DOCK3: variants seen among roughly 807,000 people sequenced by gnomAD.
The protein encoded by DOCK3 is dedicator of cytokinesis 3.
In DOCK3, 60 loss-of-function variants were observed where a neutral mutation model predicts 265.6. That is an observed-to-expected ratio of 0.23 (90% CI 0.18 to 0.28). The LOEUF is 0.28. DOCK3 is among the 10% of genes least tolerant of loss of function. The probability of loss-of-function intolerance (pLI) is 1.00; values close to 1 mark genes in which losing one functional copy is unlikely to be tolerated. For synonymous variants in DOCK3, 881 were observed against 938.0 expected (o/e 0.94, Z 1.11); for missense variants, 1,981 against 2,594.3 (o/e 0.76, Z 5.14).
chr3:51,363,687 C>A (rs2110377973), intron 49 of DOCK3, among the ~76,000 whole-genome samples: 1 of 152,302 alleles, frequency 6.6e-6, no homozygotes, highest in African/African-American at 2.4e-5. Flanking sequence ...CACCCTGTGT[C>A]CAAGTGTTCT....
At chr3:50,978,475 A>T (rs1454960445) in intron 5 of DOCK3, among the ~76,000 whole-genome samples, 1 of 151,948 alleles carries the variant, frequency 6.6e-6, no homozygotes, top group African/African-American at 2.4e-5. Context: ...GGTGTCAGGG[A>T]CCCTCTTGAG....
At chr3:51,254,566 A>G (rs1465359943) in intron 22 of DOCK3, among the ~76,000 whole-genome samples, 1 of 152,212 alleles carries the variant, frequency 6.6e-6, no homozygotes. Flanking sequence ...TTGGGTGCAT[A>G]TATATTTAGG....
At chr3:51,377,568 G>T (rs1318326744) in intron 51 of DOCK3, among the ~76,000 whole-genome samples, 1 of 152,234 alleles carries the variant, frequency 6.6e-6, no homozygotes. Context: ...ACAGGATACA[G>T]TTGGGATCAC....
At chr3:50,768,180 C>G (rs2041029788) in intron 1 of DOCK3, among the ~76,000 whole-genome samples, 1 of 152,168 alleles carries the variant, frequency 6.6e-6, no homozygotes, top group South Asian at 2.1e-4. Context: ...GAGAGGGCAT[C>G]CCTGTCCTAT....
chr3:51,182,991 A>G (rs570639309), intron 12 of DOCK3, among the ~76,000 whole-genome samples: 1 of 152,334 alleles, frequency 6.6e-6, no homozygotes, highest in African/African-American at 2.4e-5. Context: ...TGGCTCACAG[A>G]CAAATGTATG....
chr3:51,201,466 A>C (rs1270991813), intron 12 of DOCK3, among the ~76,000 whole-genome samples: 3 of 152,222 alleles, frequency 2.0e-5, no homozygotes, highest in Admixed American at 6.5e-5. Flanking sequence ...CAACAAGAAG[A>C]GCTAACTATC....
chr3:50,679,719 A>G (rs1297094678), intron 1 of DOCK3, among the ~76,000 whole-genome samples: 1 of 152,238 alleles, frequency 6.6e-6, no homozygotes, highest in Non-Finnish European at 1.5e-5. Flanking sequence ...TTATTTATTC[A>G]GTGAGGGAAG....
chr3:50,832,523 G>A (rs116772900), intron 2 of DOCK3, among the ~76,000 whole-genome samples: 2,114 of 152,160 alleles, frequency 0.014, 22 homozygotes, highest in Non-Finnish European at 0.022. Context: ...GAAGAAAAGT[G>A]CAACCTGTTT....
At chr3:51,263,609 A>G (rs1343015435) in intron 23 of DOCK3, among the ~76,000 whole-genome samples, 2 of 152,258 alleles carry the variant, frequency 1.3e-5, no homozygotes, top group African/African-American at 4.8e-5. Flanking sequence ...TGCCCCAATT[A>G]AAAGACACAG....
rs201308380 is a variant in DOCK3, at chr3:51,239,570, G to GT, written c.2102+1983dup. Among the ~76,000 whole-genome samples, 266 of 123,598 alleles carry GT rather than the reference G, an allele frequency of 2.2e-3. 2 individuals carry two copies. The highest frequency in any genetic ancestry group is 5.3e-3 in the African/African-American group (180 of 33,658). The allele number at this position is 123,598 out of a possible 152,430, so 81.1% of individuals were successfully genotyped here. On this transcript the variant is annotated intron_variant, in intron 21 of 52. Coordinates refer to ENST00000266037, the MANE Select transcript of DOCK3 (RefSeq NM_004947.5). ...CTGGTCCTGGGTTTTTTTTTTGTTTGTTTGTTTTTTGTTTTTTTTGTTTTT... is the reference window on the plus strand; with the variant it reads ...CTGGTCCTGGGTTTTTTTTTTGTTTGTTTTGTTTTTTGTTTTTTTTGTTTTT...
At chr3:51,243,296 A>G (rs1222848359) in intron 21 of DOCK3, among the ~76,000 whole-genome samples, 1 of 152,192 alleles carries the variant, frequency 6.6e-6, no homozygotes, top group African/African-American at 2.4e-5. Context: ...TCTCCCTGCC[A>G]ACTCAAGTAT....
intron 5 of DOCK3, among the ~76,000 whole-genome samples, chr3:50,989,213 T>C (rs1341923648): frequency 6.6e-6 from 1 of 152,030 alleles, no homozygotes; most frequent in Non-Finnish European, 1.5e-5. Context: ...GACCTGCATC[T>C]CTCTGGGGTG....
intron 1 of DOCK3, among the ~76,000 whole-genome samples, chr3:50,694,229 C>A (rs564132425): frequency 6.6e-6 from 1 of 151,698 alleles, no homozygotes; most frequent in African/African-American, 2.4e-5. Flanking sequence ...GAGATTGCGC[C>A]ACTGCACACC....
At chr3:50,690,616 C>A (rs1559516783) in intron 1 of DOCK3, among the ~76,000 whole-genome samples, 1 of 151,900 alleles carries the variant, frequency 6.6e-6, no homozygotes, top group Non-Finnish European at 1.5e-5. Flanking sequence ...TTCATTCATT[C>A]GTTCGTTCGT....
intron 3 of DOCK3, among the ~76,000 whole-genome samples, chr3:50,844,596 T>C (rs1001163629): frequency 1.3e-5 from 2 of 152,154 alleles, no homozygotes; most frequent in Non-Finnish European, 2.9e-5. Flanking sequence ...AGCTTAATCT[T>C]TTTGTTCCCT....
At chr3:50,812,125 G>A (rs2043796774) in intron 2 of DOCK3, among the ~76,000 whole-genome samples, 2 of 152,178 alleles carry the variant, frequency 1.3e-5, no homozygotes, top group Admixed American at 6.5e-5. Context: ...GCAACCTGTT[G>A]GATGGTAGAA....
chr3:50,943,620 A>AT (rs1390420359), intron 5 of DOCK3, among the ~76,000 whole-genome samples: 2 of 152,132 alleles, frequency 1.3e-5, no homozygotes, highest in African/African-American at 2.4e-5. Context: ...TATTATTTTA[A>AT]TTGTTATGAA....
rs1434223979 is a variant in DOCK3 at position 51,236,425 on chromosome 3, T to A, written c.1998T>A (p.Ser666=). ...TEKYGLLVFQ[S]LVFIINLLRD... The stretch of plus-strand genomic sequence containing the variant: ...AGTACGGCCTGTTGGTTTTTCAGTC[T>A]CTGGTAAGTCACCTTCCTGACTCTT... The change falls in exon 20 of 53, where the codon TCT becomes TCA. Residue 666 remains serine (S), a synonymous_variant. Transcript: ENST00000266037. 2 of 1,608,194 alleles carry A rather than the reference T, an allele frequency of 1.2e-6. No individual in the cohort carries two copies. Among genetic ancestry groups the A allele is most frequent in the Non-Finnish European group, 1.7e-6 (2 of 1,178,252 alleles).
At chr3:50,733,985 G>T (rs1162170204) in intron 1 of DOCK3, among the ~76,000 whole-genome samples, 7 of 152,108 alleles carry the variant, frequency 4.6e-5, no homozygotes, top group Non-Finnish European at 1.0e-4. Flanking sequence ...TAAAGAACTT[G>T]ACACAACATT....
Sources: allele counts gnomAD v4.1 joint callset (sites outside exome capture counted in the v4.1 genomes callset), GRCh38; gene constraint gnomAD v4.1.1; transcripts MANE v1.5; gene names NCBI Gene and HGNC (gene_info 2026-07-23, HGNC 2026-07-21).